The following SVEP1 variants were observed in gnomAD, a reference collection of about 807,000 sequenced individuals.
The protein encoded by SVEP1 is sushi, von Willebrand factor type A, EGF and pentraxin domain-containing protein 1.
SVEP1 carries 164 observed loss-of-function variants against 367.3 expected under a neutral mutation model. That is an observed-to-expected ratio of 0.45 (90% CI 0.39 to 0.51). The LOEUF (loss-of-function observed/expected upper bound fraction) is 0.51. SVEP1 is among the 20% of genes least tolerant of loss of function. The pLI, the probability that SVEP1 is intolerant of heterozygous loss-of-function variation, is 0.00. For missense variants in SVEP1, 4,117 were observed against 4,425.3 expected (o/e 0.93, Z 1.98); for synonymous variants, 1,666 against 1,611.6 (o/e 1.03, Z -0.81).
Position 110,476,191 on chromosome 9 carries a change from A to G in SVEP1, c.2599+13T>C, listed in dbSNP as rs773018595. ...TAGTCTTGCCAACTACCGATGCCAC[A>G]GAATTTAATTACCAATTGCAAAGCC... On this transcript the variant is annotated intron_variant, in intron 14 of 47. Coordinates refer to ENST00000374469, the MANE Select transcript of SVEP1 (RefSeq NM_153366.4). The G allele has an allele frequency of 9.6e-6, 15 of 1,557,658 alleles. No homozygotes were observed. In the Admixed American group the frequency reaches 2.4e-4, roughly 24 times the overall value.
rs556804368 is a variant in SVEP1, at chr9:110,578,641, T to A, written c.531+372A>T. Reference sequence around the variant, plus strand: ...AACTTTAAAAAGAATTGGGGTTAGGTTTATATCACTCCATGTCCTACCTTT... The same window carrying A: ...AACTTTAAAAAGAATTGGGGTTAGGATTATATCACTCCATGTCCTACCTTT... On this transcript the variant is annotated intron_variant, in intron 1 of 47. Coordinates refer to ENST00000374469, the MANE Select transcript of SVEP1 (RefSeq NM_153366.4). 6.6e-5 allele frequency among the ~76,000 whole-genome samples: 10 copies of A among 152,178 alleles called. No individual in the cohort carries two copies. In the East Asian group the frequency reaches 1.9e-3, roughly 29 times the overall value.
At chr9:110,391,357 ACCT>A (rs1827652945) in intron 40 of SVEP1, among the ~76,000 whole-genome samples, 1 of 145,026 alleles carries the variant, frequency 6.9e-6, no homozygotes, top group Non-Finnish European at 1.5e-5. Flanking sequence ...TGCAACCTCC[ACCT>A]CCTGTGTTGA....
chr9:110,366,639 G>A, intron 47 of SVEP1, 79 bp from the exon 48 acceptor site: 2 of 1,401,396 alleles, frequency 1.4e-6, no homozygotes, highest in Non-Finnish European at 1.9e-6. Context: ...TTTAGGAGTT[G>A]ATGAAAACAG....
At position 110,407,873 on chromosome 9, in the gene SVEP1, G is replaced by C. The variant is rs1827979667; in HGVS notation, c.7727C>G (p.Ala2576Gly). Residue 2576 changes from alanine (A) to glycine (G), a missense_variant, in exon 38 of 48, where the codon GCC becomes GGC. Transcript: ENST00000374469. ...FVEGADYSYG[A>G]IIIYSCFPGF... is the part of the protein sequence containing the mutation. ...AGGGAAGCAACTGTAGATGATTATG[G>C]CACCATAGCTGTAATCTGCACCTTC... is the stretch of plus-strand genomic sequence containing the variant. The C allele has an allele frequency of 1.2e-6, 2 of 1,613,834 alleles. No individual in the cohort carries two copies. The highest frequency in any genetic ancestry group is 1.1e-5 in the South Asian group (1 of 91,086).
intron 36 of SVEP1, among the ~76,000 whole-genome samples, chr9:110,414,985 C>G (rs572152371): frequency 2.0e-5 from 3 of 151,978 alleles, no homozygotes; most frequent in Non-Finnish European, 4.4e-5. Context: ...CTCTGCGTTT[C>G]TCACCAAGGA....
rs1554714415 is a variant in SVEP1 at position 110,430,121 on chromosome 9, T to TC, written c.5531-118_5531-117insG. 3.6e-3 allele frequency: 4,149 copies of TC among 1,159,120 alleles called. 5 individuals carry two copies. Among genetic ancestry groups the TC allele is most frequent in the Non-Finnish European group, 4.3e-3 (3,653 of 849,638 alleles). 71.8% of individuals were successfully genotyped at this position (1,159,120 alleles called of 1,614,324 possible). A position where few individuals can be genotyped will look rare whatever the true frequency, so the allele number is the denominator to read the frequency against. On this transcript the variant is annotated intron_variant, in intron 33 of 47. Coordinates refer to ENST00000374469, the MANE Select transcript of SVEP1 (RefSeq NM_153366.4). ...TTGTTTGTTTTCTTTTTTTTTTTTTTTGGTGTGTGTGTGTGGGGTCATGTT... is the reference window on the plus strand; with the variant it reads ...TTGTTTGTTTTCTTTTTTTTTTTTTTCTGGTGTGTGTGTGTGGGGTCATGTT...
In SVEP1 at chr9:110,451,361, G is replaced by C; in HGVS notation, c.3829C>G (p.Pro1277Ala). The C allele has an allele frequency of 2.5e-6, 4 of 1,613,644 alleles. No individual in the cohort carries two copies. Among genetic ancestry groups the C allele is most frequent in the Non-Finnish European group, 1.7e-6 (2 of 1,179,744 alleles). ...ACACAGATTCCTTTATTTAAACAAG[G>C]ACTGGAGCTACACTCATTTATATTT... ...EENINECSSS[P>A]CLNKGICVDG... The change falls in exon 23 of 48, where the codon CCT (proline) becomes GCT (alanine). Residue 1277 changes from proline to alanine, a missense_variant. Physicochemically the swap from Pro to Ala is conservative, Grantham distance 27 (BLOSUM62 -1). This residue lies in a region of SVEP1 where 2,174 missense variants were observed against 2,494.3 expected (regional missense o/e 0.87). Transcript: ENST00000374469.
intron 40 of SVEP1, 46 bp from the exon 41 acceptor site, chr9:110,389,633 A>G (rs893814599): frequency 1.2e-6 from 2 of 1,603,316 alleles, no homozygotes; most frequent in African/African-American, 2.7e-5. Flanking sequence ...ACTCTACAAT[A>G]GAAAGATAAT....
At chr9:110,434,616 G>T in intron 29 of SVEP1, 110 bp from the exon 30 acceptor site, 9 of 696,554 alleles carry the variant, frequency 1.3e-5, no homozygotes, top group Middle Eastern at 6.6e-4. Context: ...CCACCTTACT[G>T]ATGTGAAAAC....
chr9:110,398,712 C>G (rs2209786), intron 40 of SVEP1, among the ~76,000 whole-genome samples: 1 of 152,064 alleles, frequency 6.6e-6, no homozygotes, highest in African/African-American at 2.4e-5. Context: ...CAAAAGAAGA[C>G]GTTTATGCAG....
At chr9:110,456,130 G>C (rs1564147918) in intron 21 of SVEP1, among the ~76,000 whole-genome samples, 2 of 152,166 alleles carry the variant, frequency 1.3e-5, no homozygotes, top group African/African-American at 4.8e-5. Flanking sequence ...TTCCCACAGG[G>C]TGCACACAGG....
chr9:110,547,993 T>C (rs988039707), intron 2 of SVEP1, among the ~76,000 whole-genome samples: 7 of 152,170 alleles, frequency 4.6e-5, no homozygotes, highest in Admixed American at 3.3e-4. Flanking sequence ...TGGGTCAACT[T>C]CCATCAGGAC....
intron 1 of SVEP1, among the ~76,000 whole-genome samples, chr9:110,559,800 A>G (rs1381745465): frequency 6.6e-6 from 1 of 152,192 alleles, no homozygotes; most frequent in Non-Finnish European, 1.5e-5. Flanking sequence ...AATTAGAAAC[A>G]ATATAAAGTT....
rs1318899393 is a variant in SVEP1, at chr9:110,371,753, C to A, written c.10601-1737G>T. 2.0e-5 allele frequency among the ~76,000 whole-genome samples: 3 copies of A among 152,188 alleles called. No homozygotes were observed. The East Asian group carries it at 5.8e-4, about 29-fold the overall frequency. On this transcript the variant is annotated intron_variant, in intron 46 of 47. Transcript: ENST00000374469. ...TGGCTCCTCACAATAGATCTGTAACCAAGTAGCGTTGATTCTTACTCTTTA... is the reference window on the plus strand; with the variant it reads ...TGGCTCCTCACAATAGATCTGTAACAAAGTAGCGTTGATTCTTACTCTTTA...
intron 27 of SVEP1, 105 bp downstream of exon 27, chr9:110,443,440 T>A: frequency 2.9e-6 from 3 of 1,050,868 alleles, no homozygotes; most frequent in Non-Finnish European, 3.8e-6. Context: ...TAGCTGTTAA[T>A]CTTTGTTTGA....
intron 3 of SVEP1, among the ~76,000 whole-genome samples, chr9:110,514,428 G>A (rs560307429): frequency 1.1e-4 from 16 of 151,218 alleles, no homozygotes; most frequent in African/African-American, 3.2e-4. Context: ...CAGGAGAATC[G>A]CTTGAACCTG....
intron 4 of SVEP1, 32 bp downstream of exon 4, chr9:110,513,916 T>G (rs761037103): frequency 6.3e-7 from 1 of 1,592,660 alleles, no homozygotes; most frequent in South Asian, 1.1e-5. Context: ...TCAGCTTTTA[T>G]ATTTCCCATT....
intron 5 of SVEP1, among the ~76,000 whole-genome samples, chr9:110,505,174 A>G (rs1334601221): frequency 6.6e-6 from 1 of 152,184 alleles, no homozygotes; most frequent in African/African-American, 2.4e-5. Flanking sequence ...AGAAGCTACC[A>G]GAGAGCACTC....
At chr9:110,497,669 AATG>A (rs1404644743) in intron 7 of SVEP1, among the ~76,000 whole-genome samples, 1 of 152,250 alleles carries the variant, frequency 6.6e-6, no homozygotes, top group Non-Finnish European at 1.5e-5. Context: ...AATTAAAGCC[AATG>A]ATATTTTTTA....
Sources: allele counts gnomAD v4.1 joint callset (sites outside exome capture counted in the v4.1 genomes callset), GRCh38; gene constraint gnomAD v4.1.1; regional missense constraint gnomAD v4.1.1; transcripts MANE v1.5; gene names NCBI Gene and HGNC (gene_info 2026-07-23, HGNC 2026-07-21).